TMEM190: variants seen among roughly 807,000 people sequenced by gnomAD.
TMEM190 encodes the protein transmembrane protein 190.
A neutral mutation model predicts 17.1 loss-of-function variants in TMEM190; 17 were observed. The ratio of observed to expected loss-of-function variants is 0.99; its 90% CI spans 0.68 to 1.49. The LOEUF is 1.49. Among genes scored for constraint, TMEM190 ranks in the 40% most tolerant of loss-of-function variants. The pLI, the probability that TMEM190 is intolerant of heterozygous loss-of-function variation, is 0.00. For synonymous variants in TMEM190, 101 were observed against 103.8 expected (o/e 0.97, Z 0.16); for missense variants, 246 against 245.0 (o/e 1.00, Z -0.03).
Position 55,378,216 on chromosome 19 carries a change from G to A in TMEM190, c.*13G>A. ...AGAGGAGGATTAGGGGAGTCCCCGG[G>A]GGACTGCTCAATACAGATACGGTGG... On this transcript the variant is annotated 3_prime_UTR_variant, in exon 5 of 5. Coordinates refer to ENST00000291934, the MANE Select transcript of TMEM190 (RefSeq NM_139172.3). 6.5e-7 allele frequency: 1 copy of A among 1,527,696 alleles called. No homozygotes were observed. Among genetic ancestry groups the A allele is most frequent in the Non-Finnish European group, 8.8e-7 (1 of 1,136,764 alleles). The allele number at this position is 1,527,696 out of a possible 1,614,324, so 94.6% of individuals were successfully genotyped here. A position where few individuals can be genotyped will look rare whatever the true frequency, so the allele number is the denominator to read the frequency against.
At position 55,377,894 on chromosome 19, in the gene TMEM190, G is replaced by T; in HGVS notation, c.305+8G>T. On this transcript the variant is annotated splice_region_variant and intron_variant, in intron 4 of 4. Coordinates refer to ENST00000291934, the MANE Select transcript of TMEM190 (RefSeq NM_139172.3). ...CAGCATCTGCTTGTTCTGGCGAGTG[G>T]GCCTGGGATAGGGCGGGCGCCTGCA... 6.2e-7 allele frequency: 1 copy of T among 1,608,436 alleles called. No individual in the cohort carries two copies.
chr19:55,378,236 C>T lies in TMEM190; in HGVS notation c.*33C>T, dbSNP rs756362194. ...CCCGGGGGACTGCTCAATACAGATA[C>T]GGTGGACGGACGTGTGTTCTCTTCT... On this transcript the variant is annotated 3_prime_UTR_variant, in exon 5 of 5. Transcript: ENST00000291934. The T allele has an allele frequency of 1.6e-5, 21 of 1,343,544 alleles. No individual in the cohort carries two copies. Among genetic ancestry groups the T allele is most frequent in the Admixed American group, 5.5e-5 (2 of 36,636 alleles). 83.2% of individuals were successfully genotyped at this position (1,343,544 alleles called of 1,614,324 possible).
intron 2 of TMEM190, 109 bp from the exon 3 acceptor site, chr19:55,377,484 A>T (rs1398180242): frequency 2.6e-6 from 4 of 1,513,176 alleles, no homozygotes; most frequent in African/African-American, 1.4e-5. Context: ...GGCCCTGCAC[A>T]GAGTAAGCAC....
Position 55,378,207 on chromosome 19 carries a change from A to T in TMEM190, c.*4A>T. On this transcript the variant is annotated 3_prime_UTR_variant, in exon 5 of 5. Transcript: ENST00000291934. ...GGGCGAGGAAGAGGAGGATTAGGGGAGTCCCCGGGGGACTGCTCAATACAG... is the reference window on the plus strand; with the variant it reads ...GGGCGAGGAAGAGGAGGATTAGGGGTGTCCCCGGGGGACTGCTCAATACAG... The T allele has an allele frequency of 2.6e-6, 4 of 1,533,024 alleles. No individual in the cohort carries two copies. The highest frequency in any genetic ancestry group is 3.5e-6 in the Non-Finnish European group (4 of 1,138,888). 95.0% of individuals were successfully genotyped at this position (1,533,024 alleles called of 1,614,324 possible).
Position 55,376,836 on chromosome 19 carries a change from G to T in TMEM190, c.-18G>T. On this transcript the variant is annotated 5_prime_UTR_variant, in exon 1 of 5. The change creates a new upstream start codon in the 5' untranslated region. Transcript: ENST00000291934. ...AAGGCCTCTTCCCACAGTGGCCCCA[G>T]GGGTCTGGGGAGGTGACATGTTGGG... 3 of 1,539,690 alleles carry T rather than the reference G, an allele frequency of 1.9e-6. No individual in the cohort carries two copies. Among genetic ancestry groups the T allele is most frequent in the Non-Finnish European group, 2.6e-6 (3 of 1,141,842 alleles).
intron 4 of TMEM190, 44 bp downstream of exon 4, chr19:55,377,930 G>C: frequency 6.2e-7 from 1 of 1,606,544 alleles, no homozygotes. Context: ...CCCCCAGGGG[G>C]AGGGTCCGGC....
chr19:55,377,095 A>G, intron 2 of TMEM190, 69 bp downstream of exon 2: 1 of 1,474,424 alleles, frequency 6.8e-7, no homozygotes, highest in East Asian at 2.5e-5. Flanking sequence ...AATCTGAGGG[A>G]GGAGGAGCTG....
At position 55,376,928 on chromosome 19, in the gene TMEM190, G is replaced by T. The variant is rs762690432; in HGVS notation, c.58+17G>T. ...GCTCGGCAGGTGAGGGGCTGGTGAG[G>T]CGGGGGAGCTGAGGAGGGACGCCCG... On this transcript the variant is annotated intron_variant, in intron 1 of 4. Coordinates refer to ENST00000291934, the MANE Select transcript of TMEM190 (RefSeq NM_139172.3). 6.4e-7 allele frequency: 1 copy of T among 1,562,446 alleles called. No homozygotes were observed. The highest frequency in any genetic ancestry group is 8.7e-7 in the Non-Finnish European group (1 of 1,152,600).
At position 55,377,997 on chromosome 19, in the gene TMEM190, CTGCATA is replaced by C. The variant is rs2089866174; in HGVS notation, c.332_337del (p.His111_Met112del). 1 of 1,612,468 alleles carries C rather than the reference CTGCATA, an allele frequency of 6.2e-7. No homozygotes were observed. The highest frequency in any genetic ancestry group is 2.2e-5 in the East Asian group (1 of 44,820). On this transcript the variant is annotated inframe_deletion, in exon 5 of 5. Coordinates refer to ENST00000291934, the MANE Select transcript of TMEM190 (RefSeq NM_139172.3). ...CAGGTGGGCCAAGCGCCGGGACGTG[CTGCATA>C]TGCCCGGTTTCCTGGCGGGTCCGTG...
rs773174403 is a variant in TMEM190 at position 55,377,832 on chromosome 19, T to C, written c.251T>C (p.Leu84Pro). 1.9e-6 allele frequency: 3 copies of C among 1,611,354 alleles called. No individual in the cohort carries two copies. The South Asian group carries it at 3.3e-5, about 18-fold the overall frequency. ...ENVRRKHMWALVWTCSGLLLL... is the reference protein window; with the variant it reads ...ENVRRKHMWAPVWTCSGLLLL... ...GTGCGGAGGAAGCACATGTGGGCGCTGGTCTGGACGTGCAGCGGCCTCCTC... is the reference window on the plus strand; with the variant it reads ...GTGCGGAGGAAGCACATGTGGGCGCCGGTCTGGACGTGCAGCGGCCTCCTC... The change falls in exon 4 of 5, where the codon CTG (leucine) becomes CCG (proline). Residue 84 changes from leucine (L) to proline (P), a missense_variant. By Grantham distance (98) the Leu-to-Pro change is moderately conservative. Transcript: ENST00000291934.
At chr19:55,377,265 TG>T (rs759546785) in intron 2 of TMEM190, among the ~76,000 whole-genome samples, 9 of 136,850 alleles carry the variant, frequency 6.6e-5, no homozygotes, top group South Asian at 4.8e-4. Context: ...GACTCCTGGG[TG>T]TGAGGGAGGA....
At position 55,377,912 on chromosome 19, in the gene TMEM190, C is replaced by A. The variant is rs755495107; in HGVS notation, c.305+26C>A. 5.6e-6 allele frequency: 9 copies of A among 1,606,128 alleles called. 1 individual carries two copies. Among genetic ancestry groups the A allele is most frequent in the South Asian group, 2.2e-5 (2 of 91,008 alleles). ...GCGAGTGGGCCTGGGATAGGGCGGG[C>A]GCCTGCACCCCCAGGGGGAGGGTCC... is the stretch of plus-strand genomic sequence containing the variant. On this transcript the variant is annotated intron_variant, in intron 4 of 4. Coordinates refer to ENST00000291934, the MANE Select transcript of TMEM190 (RefSeq NM_139172.3).
Position 55,377,829 on chromosome 19 carries a change from CG to C in TMEM190, c.249del (p.Leu84TrpfsTer11). ...AACGTGCGGAGGAAGCACATGTGGG[CG>C]CTGGTCTGGACGTGCAGCGGCCTCC... ...DENVRRKHMW[A>X]LVWTCSGLLL... On this transcript the variant is annotated frameshift_variant, in exon 4 of 5. Transcript: ENST00000291934. LOFTEE classifies it high-confidence loss of function. 6.2e-7 allele frequency: 1 copy of C among 1,611,592 alleles called. No individual in the cohort carries two copies. Among genetic ancestry groups the C allele is most frequent in the Non-Finnish European group, 8.5e-7 (1 of 1,179,814 alleles).
chr19:55,377,807 G>T lies in TMEM190; in HGVS notation c.226G>T (p.Val76Leu). 4 of 1,612,364 alleles carry T rather than the reference G, an allele frequency of 2.5e-6. No homozygotes were observed. Among genetic ancestry groups the T allele is most frequent in the Non-Finnish European group, 2.5e-6 (3 of 1,179,804 alleles). Residue 76 changes from valine to leucine, a missense_variant, in exon 4 of 5, where the codon GTG (valine) becomes TTG (leucine). Physicochemically the swap from Val to Leu is conservative, Grantham distance 32 (BLOSUM62 1). Coordinates refer to ENST00000291934, the MANE Select transcript of TMEM190 (RefSeq NM_139172.3). Reference protein sequence around the residue: ...VCYHQRPDENVRRKHMWALVW... With the variant: ...VCYHQRPDENLRRKHMWALVW... ...ACCCTGCCTCCCTTGTCCAGAAAACGTGCGGAGGAAGCACATGTGGGCGCT... is the reference window on the plus strand; with the variant it reads ...ACCCTGCCTCCCTTGTCCAGAAAACTTGCGGAGGAAGCACATGTGGGCGCT...
At chr19:55,377,177 G>T in intron 2 of TMEM190, 151 bp downstream of exon 2, 1 of 475,190 alleles carries the variant, frequency 2.1e-6, no homozygotes, top group South Asian at 3.2e-5. Flanking sequence ...GAGGGGCTGG[G>T]GGCCTGGATC....
At position 55,376,912 on chromosome 19, in the gene TMEM190, G is replaced by A. The variant is rs1313289853; in HGVS notation, c.58+1G>A. The stretch of plus-strand genomic sequence containing the variant: ...CTCCTGCTGCTGCAGGGCTCGGCAG[G>A]TGAGGGGCTGGTGAGGCGGGGGAGC... On this transcript the variant is annotated splice_donor_variant, in intron 1 of 4. Transcript: ENST00000291934. LOFTEE classifies it high-confidence loss of function. 5 of 1,575,738 alleles carry A rather than the reference G, an allele frequency of 3.2e-6. No homozygotes were observed. Among genetic ancestry groups the A allele is most frequent in the East Asian group, 2.3e-5 (1 of 43,318 alleles).
chr19:55,377,726 C>G lies in TMEM190; in HGVS notation c.220+8C>G, dbSNP rs759462173. The stretch of plus-strand genomic sequence containing the variant: ...ACCACCAGCGTCCAGACGGTGAGGG[C>G]TCCTGGCCCCAGGTCCCTGGGGCGT... On this transcript the variant is annotated splice_region_variant and intron_variant, in intron 3 of 4. Transcript: ENST00000291934. 7 of 1,610,870 alleles carry G rather than the reference C, an allele frequency of 4.3e-6. No homozygotes were observed. The highest frequency in any genetic ancestry group is 5.1e-6 in the Non-Finnish European group (6 of 1,178,216).
Position 55,377,008 on chromosome 19 carries a change from G to A in TMEM190, c.76G>A (p.Gly26Arg). The change falls in exon 2 of 5, where the codon GGA (glycine) becomes AGA (arginine). Residue 26 changes from glycine (G) to arginine (R), a missense_variant. Transcript: ENST00000291934. ...QGSADGNGIQ[G>R]FFYPWSCEGD... Reference sequence around the variant, plus strand: ...TCTCGCAGACGGAAATGGAATCCAGGGATTCTTCTACCCATGGAGTGAGCA... The same window carrying A: ...TCTCGCAGACGGAAATGGAATCCAGAGATTCTTCTACCCATGGAGTGAGCA... 2 of 1,551,430 alleles carry A rather than the reference G, an allele frequency of 1.3e-6. No homozygotes were observed. Among genetic ancestry groups the A allele is most frequent in the Non-Finnish European group, 1.7e-6 (2 of 1,146,976 alleles).
Position 55,376,924 on chromosome 19 carries a change from T to C in TMEM190, c.58+13T>C. On this transcript the variant is annotated intron_variant, in intron 1 of 4. Coordinates refer to ENST00000291934, the MANE Select transcript of TMEM190 (RefSeq NM_139172.3). ...CAGGGCTCGGCAGGTGAGGGGCTGG[T>C]GAGGCGGGGGAGCTGAGGAGGGACG... is the stretch of plus-strand genomic sequence containing the variant. The C allele has an allele frequency of 1.3e-6, 2 of 1,568,142 alleles. No individual in the cohort carries two copies. Among genetic ancestry groups the C allele is most frequent in the Non-Finnish European group, 1.7e-6 (2 of 1,156,498 alleles).
Sources: allele counts gnomAD v4.1 joint callset (sites outside exome capture counted in the v4.1 genomes callset), GRCh38; gene constraint gnomAD v4.1.1; transcripts MANE v1.5; gene names NCBI Gene and HGNC (gene_info 2026-07-23, HGNC 2026-07-21).